Variants in LCLAT1 observed in about 807,000 individuals in gnomAD.
LCLAT1 encodes 1-AGP acyltransferase 8.
LCLAT1 carries 11 observed loss-of-function variants against 30.7 expected under a neutral mutation model. That is an observed-to-expected ratio of 0.36 (90% CI 0.23 to 0.59). LCLAT1 has a LOEUF of 0.59. LCLAT1 is among the 20% of genes least tolerant of loss of function. LCLAT1 has a pLI of 0.77. For missense variants in LCLAT1, 402 were observed against 458.6 expected (o/e 0.88, Z 1.13); for synonymous variants, 155 against 151.3 (o/e 1.02, Z -0.18).
intron 1 of LCLAT1, among the ~76,000 whole-genome samples, chr2:30,486,511 C>G (rs1683562922): frequency 6.6e-6 from 1 of 152,200 alleles, no homozygotes; most frequent in African/African-American, 2.4e-5. Flanking sequence ...TCTCACTCTT[C>G]CAGTGTACTG....
intron 5 of LCLAT1, among the ~76,000 whole-genome samples, chr2:30,593,145 A>G (rs1284186394): frequency 6.6e-6 from 1 of 152,096 alleles, no homozygotes; most frequent in African/African-American, 2.4e-5. Context: ...GCACCCACAT[A>G]CAAGTAAGAA....
intron 5 of LCLAT1, among the ~76,000 whole-genome samples, chr2:30,621,551 C>A: frequency 6.6e-6 from 1 of 152,134 alleles, no homozygotes; most frequent in Non-Finnish European, 1.5e-5. Context: ...CTGAGAGAAT[C>A]CACAGACCCT....
At chr2:30,480,142 A>G (rs1323607158) in intron 1 of LCLAT1, among the ~76,000 whole-genome samples, 1 of 152,208 alleles carries the variant, frequency 6.6e-6, no homozygotes, top group African/African-American at 2.4e-5. Context: ...ATTCTGTTTA[A>G]TAAAAAGGAC....
intron 5 of LCLAT1, among the ~76,000 whole-genome samples, chr2:30,570,377 AT>A (rs1163656364): frequency 6.6e-6 from 1 of 152,258 alleles, no homozygotes. Flanking sequence ...AAAATAAAAA[AT>A]ATGATGAGGA....
At chr2:30,570,558 T>C (rs1053114734) in intron 5 of LCLAT1, among the ~76,000 whole-genome samples, 3 of 152,194 alleles carry the variant, frequency 2.0e-5, no homozygotes, top group African/African-American at 7.2e-5. Flanking sequence ...GTAAAGAACC[T>C]CATCAAAATT....
intron 1 of LCLAT1, among the ~76,000 whole-genome samples, chr2:30,456,662 T>G (rs541738195): frequency 7.2e-5 from 11 of 152,246 alleles, no homozygotes; most frequent in African/African-American, 2.4e-4. Flanking sequence ...TTTTGTTTTT[T>G]TGTTTTTGTT....
At chr2:30,621,433 G>T (rs564641157) in intron 5 of LCLAT1, among the ~76,000 whole-genome samples, 1 of 152,098 alleles carries the variant, frequency 6.6e-6, no homozygotes, top group Non-Finnish European at 1.5e-5. Flanking sequence ...AAAAAATGGC[G>T]GGTAGGAGGC....
chr2:30,489,823 C>A (rs1270758763), intron 1 of LCLAT1, among the ~76,000 whole-genome samples: 1 of 152,206 alleles, frequency 6.6e-6, no homozygotes, highest in African/African-American at 2.4e-5. Flanking sequence ...CTAGTTGCTT[C>A]TGTACAAGCA....
At chr2:30,536,102 C>T (rs999274710) in intron 3 of LCLAT1, among the ~76,000 whole-genome samples, 48 of 151,942 alleles carry the variant, frequency 3.2e-4, no homozygotes, top group African/African-American at 1.2e-3. Flanking sequence ...TCAAATAACC[C>T]AGCTAGATCA....
intron 5 of LCLAT1, among the ~76,000 whole-genome samples, chr2:30,628,724 A>C (rs1668630863): frequency 6.6e-6 from 1 of 152,198 alleles, no homozygotes; most frequent in African/African-American, 2.4e-5. Context: ...AGGAGAAACG[A>C]GGAGTTGTTT....
At chr2:30,551,635 A>G (rs1183661072) in intron 3 of LCLAT1, among the ~76,000 whole-genome samples, 3 of 152,190 alleles carry the variant, frequency 2.0e-5, no homozygotes, top group Non-Finnish European at 4.4e-5. Context: ...GCTGAAATCA[A>G]GGCATTGGCA....
At chr2:30,482,482 A>G (rs1180763873) in intron 1 of LCLAT1, among the ~76,000 whole-genome samples, 1 of 152,228 alleles carries the variant, frequency 6.6e-6, no homozygotes, top group Non-Finnish European at 1.5e-5. Flanking sequence ...TGGCTATTTA[A>G]AAGAAAAAAG....
intron 5 of LCLAT1, among the ~76,000 whole-genome samples, chr2:30,580,819 G>T (rs1666182040): frequency 6.6e-6 from 1 of 152,074 alleles, no homozygotes; most frequent in Non-Finnish European, 1.5e-5. Flanking sequence ...CTCCAAGCCT[G>T]GTGAGTAAAT....
chr2:30,492,594 A>C (rs1332579441), intron 1 of LCLAT1, among the ~76,000 whole-genome samples: 2 of 152,084 alleles, frequency 1.3e-5, no homozygotes, highest in Non-Finnish European at 2.9e-5. Flanking sequence ...AAAAAAAAAA[A>C]AACCTTTGGG....
At chr2:30,596,363 G>T (rs1558543515) in intron 5 of LCLAT1, among the ~76,000 whole-genome samples, 1 of 151,844 alleles carries the variant, frequency 6.6e-6, no homozygotes. Context: ...ATCTCATTGT[G>T]GTTTTGATTT....
chr2:30,501,908 T>C (rs969199287), intron 1 of LCLAT1, among the ~76,000 whole-genome samples: 2 of 152,252 alleles, frequency 1.3e-5, no homozygotes, highest in Non-Finnish European at 2.9e-5. Context: ...TTATACTTTA[T>C]GTTAGTGGCT....
At chr2:30,583,866 G>A (rs527544569) in intron 5 of LCLAT1, among the ~76,000 whole-genome samples, 4 of 152,032 alleles carry the variant, frequency 2.6e-5, no homozygotes, top group African/African-American at 9.7e-5. Flanking sequence ...GAATTAGGTG[G>A]GAATGTTTGA....
chr2:30,557,566 C>A (rs1427081792), intron 3 of LCLAT1, among the ~76,000 whole-genome samples: 1 of 152,058 alleles, frequency 6.6e-6, no homozygotes, highest in Non-Finnish European at 1.5e-5. Flanking sequence ...AGGCATGCAC[C>A]ACCATGCCTG....
chr2:30,544,442 C>T (rs746402271), intron 3 of LCLAT1, among the ~76,000 whole-genome samples: 2 of 152,176 alleles, frequency 1.3e-5, no homozygotes, highest in Non-Finnish European at 2.9e-5. Context: ...ATACAGGAAT[C>T]ATCCCTGAGT....
Sources: gnomAD v4.1 joint callset for allele counts (sites outside exome capture counted in the v4.1 genomes callset) on GRCh38, gnomAD v4.1.1 for gene constraint, MANE v1.5 for transcripts, NCBI Gene and HGNC (gene_info 2026-07-23, HGNC 2026-07-21) for gene names.